ELMO2: variants seen among roughly 807,000 people sequenced by gnomAD.
ELMO2 encodes the protein engulfment and cell motility 2.
In ELMO2, 37 loss-of-function variants were observed where a neutral mutation model predicts 96.2. That is an observed-to-expected ratio of 0.38 (90% confidence interval 0.30 to 0.51). The LOEUF is 0.51. ELMO2 is among the 20% of genes least tolerant of loss of function. The pLI is 0.88. For synonymous variants in ELMO2, 315 were observed against 329.4 expected (o/e 0.96, Z 0.47); for missense variants, 561 against 912.6 (o/e 0.61, Z 4.96).
intron 6 of ELMO2, among the ~76,000 whole-genome samples, chr20:46,392,668 T>A (rs1025309019): frequency 1.3e-5 from 2 of 152,248 alleles, no homozygotes; most frequent in African/African-American, 4.8e-5. Flanking sequence ...CTCCTGCTTT[T>A]CCCAAACACA....
chr20:46,375,200 G>A lies in ELMO2; in HGVS notation c.1065+36C>T, dbSNP rs1287357197. ...GGACCATTGACTTCCCATCAGGGGA[G>A]AGGGCCTACCACCGTCTATGCTCTG... On this transcript the variant is annotated intron_variant, in intron 13 of 21. Coordinates refer to ENST00000290246, the MANE Select transcript of ELMO2 (RefSeq NM_133171.5). The surrounding 1 kb of genome is among the most constrained non-coding windows in gnomAD (Gnocchi z 4.6). 1 of 1,602,560 alleles carries A rather than the reference G, an allele frequency of 6.2e-7. No individual in the cohort carries two copies. The highest frequency in any genetic ancestry group is 1.3e-5 in the African/African-American group (1 of 74,940).
At chr20:46,370,155 T>C (rs1463432155) in intron 20 of ELMO2, 2 of 548,198 alleles carry the variant, frequency 3.6e-6, no homozygotes, top group South Asian at 1.6e-5. Context: ...TGTTATACAC[T>C]ATACGATGTA....
intron 6 of ELMO2, among the ~76,000 whole-genome samples, chr20:46,391,138 C>T (rs558149315): frequency 5.1e-4 from 77 of 152,264 alleles, no homozygotes; most frequent in Non-Finnish European, 8.5e-4. Context: ...CCCAGACTGT[C>T]ATATTAAATT....
At chr20:46,405,171 T>C (rs1224999430) in intron 1 of ELMO2, among the ~76,000 whole-genome samples, 1 of 152,228 alleles carries the variant, frequency 6.6e-6, no homozygotes, top group African/African-American at 2.4e-5. Flanking sequence ...GAAATATCAA[T>C]ACTTTTGTAA....
intron 8 of ELMO2, 37 bp downstream of exon 8, chr20:46,387,301 G>A: frequency 6.4e-7 from 1 of 1,573,586 alleles, no homozygotes; most frequent in Non-Finnish European, 8.7e-7. Flanking sequence ...ACTGGCAGCT[G>A]AGGGAGGAGA....
rs757334097 is a variant in ELMO2, at chr20:46,389,085, T to A, written c.379A>T (p.Ile127Phe). Residue 127 changes from isoleucine to phenylalanine, a missense_variant, in exon 7 of 22, where the codon ATT (isoleucine) becomes TTT (phenylalanine). By Grantham distance (21) the Ile-to-Phe change is conservative (BLOSUM62 0). Transcript: ENST00000290246. ...CTTTCCACGAGCCTTGTCAGCACAA[T>A]GATGCCATCCATGTTGATGAACTCA... ...ATEFINMDGI[I>F]VLTRLVESGT... 4.3e-6 allele frequency: 7 copies of A among 1,614,084 alleles called. No individual in the cohort carries two copies. The highest frequency in any genetic ancestry group is 5.9e-6 in the Non-Finnish European group (7 of 1,180,018).
chr20:46,371,208 G>C lies in ELMO2; in HGVS notation c.1801+144C>G. On this transcript the variant is annotated intron_variant, in intron 19 of 21. Coordinates refer to ENST00000290246, the MANE Select transcript of ELMO2 (RefSeq NM_133171.5). The surrounding 1 kb of genome is among the most constrained non-coding windows in gnomAD (Gnocchi z 5.9). ...ACCACCCCACCGAGTAGGCCAGGTA[G>C]AGGAAATCGCTGACAGATAAGGAAA... The C allele has an allele frequency of 1.3e-6, 1 of 763,542 alleles. No homozygotes were observed. The highest frequency in any genetic ancestry group is 2.1e-6 in the Non-Finnish European group (1 of 469,574). 47.3% of individuals were successfully genotyped at this position (763,542 alleles called of 1,614,324 possible).
chr20:46,370,757 T>G (rs1324631148), intron 19 of ELMO2, among the ~76,000 whole-genome samples: 1 of 152,148 alleles, frequency 6.6e-6, no homozygotes, highest in Non-Finnish European at 1.5e-5. Context: ...CAAAGCTAAC[T>G]GAGGGTCACT....
chr20:46,396,624 G>T (rs1303584313), intron 2 of ELMO2, among the ~76,000 whole-genome samples: 1 of 152,106 alleles, frequency 6.6e-6, no homozygotes, highest in African/African-American at 2.4e-5. Context: ...GGAACTATAC[G>T]ATATGACTTT....
intron 10 of ELMO2, among the ~76,000 whole-genome samples, chr20:46,381,146 A>C (rs1440875406): frequency 1.3e-5 from 2 of 152,216 alleles, no homozygotes; most frequent in African/African-American, 2.4e-5. Context: ...GTGTTGTGAC[A>C]CTGTGATACC....
rs559323023 is a variant in ELMO2 at position 46,386,685 on chromosome 20, A to G, written c.526-410T>C. 3.3e-5 allele frequency among the ~76,000 whole-genome samples: 5 copies of G among 152,276 alleles called. No homozygotes were observed. In the South Asian group the frequency reaches 1.0e-3, roughly 32 times the overall value. ...GGTAGAAAGGACCTTGAAGCCTTTT[A>G]CTCTAATCCTTCTTCTCAGTCCCCA... On this transcript the variant is annotated intron_variant, in intron 8 of 21. Transcript: ENST00000290246.
At chr20:46,383,833 A>G (rs2059997602) in intron 9 of ELMO2, among the ~76,000 whole-genome samples, 1 of 152,204 alleles carries the variant, frequency 6.6e-6, no homozygotes, top group Non-Finnish European at 1.5e-5. Context: ...GTTTTAGGGT[A>G]AAGATTCTTA....
intron 9 of ELMO2, 61 bp from the exon 10 acceptor site, chr20:46,383,555 T>C (rs1415758402): frequency 5.6e-6 from 8 of 1,434,252 alleles, no homozygotes; most frequent in Non-Finnish European, 6.9e-6. Context: ...AGATGATGCT[T>C]AGAAATGGTT....
rs770222554 is a variant in ELMO2, at chr20:46,393,140, G to A, written c.196C>T (p.Arg66Cys). 1.2e-6 allele frequency: 2 copies of A among 1,613,872 alleles called. No homozygotes were observed. Among genetic ancestry groups the A allele is most frequent in the Non-Finnish European group, 1.7e-6 (2 of 1,179,774 alleles). ...ATTGTCCCATTCTTAATGTCACTGC[G>A]AGTCTGGGTAGTGAAAAATAAACAA... ...GPQLYITEQT[R>C]SDIKNGTILQ... is the part of the protein sequence containing the mutation. The change falls in exon 6 of 22, where the codon CGC becomes TGC. Residue 66 changes from arginine (R) to cysteine (C), a missense_variant. Physicochemically the swap from Arg to Cys is radical, Grantham distance 180. Coordinates refer to ENST00000290246, the MANE Select transcript of ELMO2 (RefSeq NM_133171.5).
intron 2 of ELMO2, among the ~76,000 whole-genome samples, chr20:46,395,381 C>T (rs991132298): frequency 7.2e-5 from 11 of 152,170 alleles, no homozygotes; most frequent in African/African-American, 1.7e-4. Flanking sequence ...CAAGGTCTGA[C>T]GAAGGGAAGT....
chr20:46,367,231 G>T lies in ELMO2; in HGVS notation c.*129C>A. The T allele has an allele frequency of 2.2e-6, 2 of 892,428 alleles. No individual in the cohort carries two copies. Among genetic ancestry groups the T allele is most frequent in the Non-Finnish European group, 3.2e-6 (2 of 626,094 alleles). The allele number at this position is 892,428 out of a possible 1,614,324, so 55.3% of individuals were successfully genotyped here. A position where few individuals can be genotyped will look rare whatever the true frequency, so the allele number is the denominator to read the frequency against. On this transcript the variant is annotated 3_prime_UTR_variant, in exon 22 of 22. Coordinates refer to ENST00000290246, the MANE Select transcript of ELMO2 (RefSeq NM_133171.5). ...GTGGTCCGAGGTGGGTTTGAGAAAT[G>T]GCTGGCATTTACTGGCCACCAAAAT...
At chr20:46,372,599 C>G (rs2059746644) in intron 16 of ELMO2, among the ~76,000 whole-genome samples, 1 of 152,150 alleles carries the variant, frequency 6.6e-6, no homozygotes, top group African/African-American at 2.4e-5. Context: ...CCACTGCACT[C>G]CAGCCTGGGT....
intron 15 of ELMO2, among the ~76,000 whole-genome samples, chr20:46,373,927 CTTTT>C (rs3091499): frequency 7.1e-5 from 9 of 126,516 alleles, no homozygotes; most frequent in Admixed American, 1.6e-4. Context: ...CCACTGACAT[CTTTT>C]TTTTTTTTTT....
chr20:46,402,589 G>T (rs770697272), intron 1 of ELMO2, among the ~76,000 whole-genome samples: 9 of 152,214 alleles, frequency 5.9e-5, no homozygotes, highest in Non-Finnish European at 1.3e-4. Context: ...AGGGAGTGTG[G>T]TGTGCTGGGA....
Sources: gnomAD v4.1 joint callset for allele counts (sites outside exome capture counted in the v4.1 genomes callset) on GRCh38, gnomAD v4.1.1 for gene constraint, Gnocchi (gnomAD v3.1) non-coding constraint, MANE v1.5 for transcripts, NCBI Gene and HGNC (gene_info 2026-07-23, HGNC 2026-07-21) for gene names.